MACC1: variants seen among roughly 807,000 people sequenced by gnomAD.
MACC1 encodes the protein metastasis-associated in colon cancer protein 1.
A neutral mutation model predicts 70.7 loss-of-function variants in MACC1; 79 were observed. The ratio of observed to expected loss-of-function variants is 1.12; its 90% CI spans 0.93 to 1.35. The LOEUF is 1.35. Among genes scored for constraint, MACC1 ranks in the 40% most tolerant of loss-of-function variants. The probability of loss-of-function intolerance (pLI) is 0.00; values close to 1 mark genes in which losing one functional copy is unlikely to be tolerated. For synonymous variants in MACC1, 361 were observed against 347.2 expected (o/e 1.04, Z -0.44); for missense variants, 1,106 against 978.1 (o/e 1.13, Z -1.74).
intron 6 of MACC1, among the ~76,000 whole-genome samples, chr7:20,151,084 A>C (rs542425273): frequency 6.6e-6 from 1 of 151,974 alleles, no homozygotes; most frequent in South Asian, 2.1e-4. Flanking sequence ...AGGAAGTGAA[A>C]CTTTAGTGTC....
chr7:20,203,477 T>C lies in MACC1; in HGVS notation c.-218+13822A>G, dbSNP rs188801587. Among the ~76,000 whole-genome samples, 66 of 152,330 alleles carry C rather than the reference T, an allele frequency of 4.3e-4. No individual in the cohort carries two copies. In the Middle Eastern group the frequency reaches 0.02, roughly 47 times the overall value. ...AAGATCCTGAGAAGCTTTCAACGGC[T>C]AAACCTATGAAGTGAATGATGCATC... On this transcript the variant is annotated intron_variant, in intron 1 of 6. Coordinates refer to ENST00000400331, the MANE Select transcript of MACC1 (RefSeq NM_182762.4).
In MACC1 at chr7:20,158,413, A is replaced by T; in HGVS notation, c.1948T>A (p.Tyr650Asn). Reference sequence around the variant, plus strand: ...GACACCAAGGTTAATACAACTGAGTAGATATAAGTCAATTTTTTTAAAGGC... The same window carrying T: ...GACACCAAGGTTAATACAACTGAGTTGATATAAGTCAATTTTTTTAAAGGC... ...VLPLKKLTYI[Y>N]SVVLTLVSEK... The change falls in exon 5 of 7, where the codon TAC becomes AAC. Residue 650 changes from tyrosine (Y) to asparagine (N), a missense_variant. Tyr to Asn is a moderately radical substitution (Grantham distance 143, BLOSUM62 -2). Transcript: ENST00000400331. 1 of 1,613,888 alleles carries T rather than the reference A, an allele frequency of 6.2e-7. No individual in the cohort carries two copies. Among genetic ancestry groups the T allele is most frequent in the Non-Finnish European group, 8.5e-7 (1 of 1,179,938 alleles).
chr7:20,158,412 T>C lies in MACC1; in HGVS notation c.1949A>G (p.Tyr650Cys), dbSNP rs779686545. 2 of 1,613,720 alleles carry C rather than the reference T, an allele frequency of 1.2e-6. No individual in the cohort carries two copies. Among genetic ancestry groups the C allele is most frequent in the Admixed American group, 1.7e-5 (1 of 59,944 alleles). The change falls in exon 5 of 7, where the codon TAC becomes TGC. Residue 650 changes from tyrosine to cysteine, a missense_variant. Transcript: ENST00000400331. ...VLPLKKLTYIYSVVLTLVSEK... is the reference protein window; with the variant it reads ...VLPLKKLTYICSVVLTLVSEK... ...TGACACCAAGGTTAATACAACTGAG[T>C]AGATATAAGTCAATTTTTTTAAAGG...
chr7:20,144,379 G>T (rs1781855667), intron 6 of MACC1, among the ~76,000 whole-genome samples: 1 of 152,164 alleles, frequency 6.6e-6, no homozygotes, highest in Non-Finnish European at 1.5e-5. Flanking sequence ...AAAAATGATT[G>T]TTGTATTCAC....
At chr7:20,180,329 G>A (rs757158961) in intron 1 of MACC1, among the ~76,000 whole-genome samples, 32 of 151,822 alleles carry the variant, frequency 2.1e-4, no homozygotes, top group Non-Finnish European at 4.1e-4. Context: ...CGTAGTCCCA[G>A]CTTCTCGGGA....
rs769895749 is a variant in MACC1, at chr7:20,158,822, T to C, written c.1539A>G (p.Arg513=). ...GCAAATAGCCTGGCAGATTCGAGAG[T>C]CTTTTTAGGTTTGGGGTTGGATCAG... ...TTPDPTPNLK[R]LSNLPGYLQK... The change falls in exon 5 of 7, where the codon AGA becomes AGG. Residue 513 remains arginine, a synonymous_variant. Coordinates refer to ENST00000400331, the MANE Select transcript of MACC1 (RefSeq NM_182762.4). 2 of 1,613,860 alleles carry C rather than the reference T, an allele frequency of 1.2e-6. No individual in the cohort carries two copies. The highest frequency in any genetic ancestry group is 1.1e-5 in the South Asian group (1 of 91,074).
chr7:20,163,182 A>G (rs1057221567), intron 3 of MACC1, among the ~76,000 whole-genome samples: 4 of 152,230 alleles, frequency 2.6e-5, no homozygotes, highest in African/African-American at 9.6e-5. Context: ...AATATGATCA[A>G]TCTCATTGGT....
chr7:20,199,624 T>C (rs774776694), intron 1 of MACC1, among the ~76,000 whole-genome samples: 2 of 152,102 alleles, frequency 1.3e-5, no homozygotes, highest in African/African-American at 2.4e-5. Context: ...AATAAGGAAG[T>C]CTTCAAATGA....
chr7:20,153,894 A>T (rs1782016919), intron 6 of MACC1, among the ~76,000 whole-genome samples: 1 of 152,162 alleles, frequency 6.6e-6, no homozygotes, highest in African/African-American at 2.4e-5. Flanking sequence ...TTATGACTCA[A>T]GTTCTTATAG....
intron 3 of MACC1, among the ~76,000 whole-genome samples, chr7:20,163,425 T>C (rs1333761858): frequency 6.6e-6 from 1 of 152,250 alleles, no homozygotes; most frequent in Non-Finnish European, 1.5e-5. Flanking sequence ...TTATTTGTTT[T>C]AGTGAAAACT....
intron 1 of MACC1, among the ~76,000 whole-genome samples, chr7:20,210,632 C>T (rs954353137): frequency 1.3e-5 from 2 of 152,102 alleles, no homozygotes; most frequent in South Asian, 2.1e-4. Context: ...GTTACCTATC[C>T]TTTCAATCTT....
intron 2 of MACC1, among the ~76,000 whole-genome samples, chr7:20,168,104 T>G (rs1782248831): frequency 6.6e-6 from 1 of 152,198 alleles, no homozygotes; most frequent in Admixed American, 6.5e-5. Context: ...TCTTTTTTAT[T>G]TGAATTCCCT....
chr7:20,161,801 G>C lies in MACC1; in HGVS notation c.62C>G (p.Ala21Gly), dbSNP rs751532057. The change falls in exon 4 of 7, where the codon GCA becomes GGA. Residue 21 changes from alanine (A) to glycine (G), a missense_variant. Transcript: ENST00000400331. ...SGRIAQSMSEANLIDMEAGKL... is the reference protein window; with the variant it reads ...SGRIAQSMSEGNLIDMEAGKL... ...TCCAGCTTCCATGTCAATCAAATTT[G>C]CTTCAGACATACTTTGTGCAATTCT... The C allele has an allele frequency of 3.1e-6, 5 of 1,612,248 alleles. No individual in the cohort carries two copies. The highest frequency in any genetic ancestry group is 4.2e-6 in the Non-Finnish European group (5 of 1,178,916).
chr7:20,171,569 T>A (rs1782307886), intron 1 of MACC1, among the ~76,000 whole-genome samples: 1 of 150,200 alleles, frequency 6.7e-6, no homozygotes, highest in African/African-American at 2.5e-5. Context: ...TTTTCTTTCT[T>A]AGAGACAATT....
intron 5 of MACC1, among the ~76,000 whole-genome samples, chr7:20,155,238 A>G (rs1045374647): frequency 6.6e-6 from 1 of 152,204 alleles, no homozygotes; most frequent in Admixed American, 6.5e-5. Context: ...GGGGAATCCA[A>G]GGAGATCCAA....
chr7:20,207,138 T>TTTTTC (rs1201813805), intron 1 of MACC1, among the ~76,000 whole-genome samples: 2 of 151,964 alleles, frequency 1.3e-5, no homozygotes, highest in African/African-American at 4.8e-5. Context: ...CATTGTTAAC[T>TTTTTC]TTTTCTTTTC....
At chr7:20,168,570 C>G (rs1020158122) in intron 2 of MACC1, among the ~76,000 whole-genome samples, 3 of 152,186 alleles carry the variant, frequency 2.0e-5, no homozygotes, top group Non-Finnish European at 2.9e-5. Context: ...ACAGTATCCT[C>G]GGTCCCACCT....
rs562666938 is a variant in MACC1, at chr7:20,148,680, C to G, written c.2346+5513G>C. On this transcript the variant is annotated intron_variant, in intron 6 of 6. Transcript: ENST00000400331. ...CACTGTGCTATCTTTGTTTTCTTTC[C>G]TACCTCATTCCTCCCAAAATGGAGT... Among the ~76,000 whole-genome samples the G allele has an allele frequency of 2.0e-5, 3 of 152,144 alleles. No homozygotes were observed. The East Asian group carries it at 5.8e-4, about 29-fold the overall frequency.
intron 2 of MACC1, among the ~76,000 whole-genome samples, chr7:20,166,496 G>T (rs1371532568): frequency 6.6e-6 from 1 of 152,122 alleles, no homozygotes; most frequent in Non-Finnish European, 1.5e-5. Context: ...TCTCTGATTG[G>T]TAATTTTTAA....
Sources: allele counts gnomAD v4.1 joint callset (sites outside exome capture counted in the v4.1 genomes callset), GRCh38; gene constraint gnomAD v4.1.1; transcripts MANE v1.5; gene names NCBI Gene and HGNC (gene_info 2026-07-23, HGNC 2026-07-21).